Variants in LRP12 observed in about 807,000 individuals in gnomAD.
LRP12 encodes the protein LDL receptor related protein 12, also known as low-density lipoprotein receptor-related protein 12.
In LRP12, 14 loss-of-function variants were observed where a neutral mutation model predicts 66.0. The ratio of observed to expected loss-of-function variants is 0.21; its 90% CI spans 0.14 to 0.33. The LOEUF is 0.33. Ranked by LOEUF, LRP12 falls within the 10% of genes least tolerant of loss-of-function variation. The pLI is 1.00. For missense variants in LRP12, 889 were observed against 1,053.4 expected (o/e 0.84, Z 2.16); for synonymous variants, 357 against 359.1 (o/e 0.99, Z 0.07).
chr8:104,546,391 C>T (rs1312549584), intron 1 of LRP12, among the ~76,000 whole-genome samples: 1 of 152,170 alleles, frequency 6.6e-6, no homozygotes, highest in African/African-American at 2.4e-5. Context: ...CTGATGTTCC[C>T]TTGTAATCAA....
intron 1 of LRP12, among the ~76,000 whole-genome samples, chr8:104,568,897 A>G (rs1042227422): frequency 2.6e-5 from 4 of 152,196 alleles, no homozygotes; most frequent in Non-Finnish European, 5.9e-5. Context: ...CAGAATTACT[A>G]TATGAGTCAG....
At position 104,588,978 on chromosome 8, in the gene LRP12, G is replaced by A; in HGVS notation, c.-81C>T. 8.3e-6 allele frequency: 6 copies of A among 719,778 alleles called. No homozygotes were observed. The highest frequency in any genetic ancestry group is 3.3e-5 in the Admixed American group (1 of 30,468). The allele number at this position is 719,778 out of a possible 1,614,324, so 44.6% of individuals were successfully genotyped here. On this transcript the variant is annotated 5_prime_UTR_variant, in exon 1 of 7. Transcript: ENST00000276654. ...GGAGGTAGACGACGCCGACGCCGCC[G>A]CCGCCGCCGCCGCCGCCGCCGAGCC...
intron 4 of LRP12, 118 bp downstream of exon 4, chr8:104,499,199 G>T: frequency 2.8e-6 from 2 of 721,208 alleles, no homozygotes; most frequent in Non-Finnish European, 4.4e-6. Flanking sequence ...CTCAATCTCA[G>T]CTGCCTCAAG....
At chr8:104,562,784 T>C (rs1310874781) in intron 1 of LRP12, among the ~76,000 whole-genome samples, 3 of 152,284 alleles carry the variant, frequency 2.0e-5, no homozygotes, top group African/African-American at 7.2e-5. Flanking sequence ...GCATAAGTTA[T>C]TTAATAACCT....
chr8:104,548,158 AATT>A (rs1211438109), intron 1 of LRP12, among the ~76,000 whole-genome samples: 6 of 68,800 alleles, frequency 8.7e-5, no homozygotes, highest in African/African-American at 4.3e-4. Flanking sequence ...ATATATTAAT[AATT>A]ATTATATATA....
At chr8:104,548,295 T>TTATATAA (rs1259200133) in intron 1 of LRP12, among the ~76,000 whole-genome samples, 1 of 60,908 alleles carries the variant, frequency 1.6e-5, no homozygotes, top group Non-Finnish European at 2.5e-5. Context: ...TATCATATAT[T>TTATATAA]TATATAATAT....
At chr8:104,523,596 T>G (rs1210824815) in intron 2 of LRP12, among the ~76,000 whole-genome samples, 1 of 152,242 alleles carries the variant, frequency 6.6e-6, no homozygotes, top group Non-Finnish European at 1.5e-5. Flanking sequence ...CAGTAAATTG[T>G]GTGTCACAGT....
At chr8:104,576,102 T>C (rs1812160717) in intron 1 of LRP12, among the ~76,000 whole-genome samples, 1 of 152,026 alleles carries the variant, frequency 6.6e-6, no homozygotes, top group Non-Finnish European at 1.5e-5. Context: ...ACAAAACCTC[T>C]GAGAAATAAG....
Position 104,490,572 on chromosome 8 carries a change from A to ATTTTT in LRP12, c.*96_*100dup. The ATTTTT allele has an allele frequency of 7.4e-7, 1 of 1,354,464 alleles. No individual in the cohort carries two copies. Among genetic ancestry groups the ATTTTT allele is most frequent in the African/African-American group, 1.5e-5 (1 of 68,386 alleles). The allele number at this position is 1,354,464 out of a possible 1,614,324, so 83.9% of individuals were successfully genotyped here. A position where few individuals can be genotyped will look rare whatever the true frequency, so the allele number is the denominator to read the frequency against. The stretch of plus-strand genomic sequence containing the variant: ...ATATAATAATAAGAAATCACCCTGC[A>ATTTTT]TTTTTTCTTTTTAAACTAAAACTAG... On this transcript the variant is annotated 3_prime_UTR_variant, in exon 7 of 7. Coordinates refer to ENST00000276654, the MANE Select transcript of LRP12 (RefSeq NM_013437.5).
chr8:104,529,541 T>C (rs1204595462), intron 2 of LRP12, among the ~76,000 whole-genome samples: 1 of 152,200 alleles, frequency 6.6e-6, no homozygotes, highest in Non-Finnish European at 1.5e-5. Context: ...AGCCTAGTGG[T>C]CTAATCACAA....
intron 2 of LRP12, among the ~76,000 whole-genome samples, chr8:104,510,817 AAAGGT>A (rs1259516655): frequency 1.3e-5 from 2 of 152,084 alleles, no homozygotes; most frequent in African/African-American, 4.8e-5. Flanking sequence ...CTGTCTCTCA[AAAGGT>A]AAGACTGTTG....
chr8:104,498,803 C>G (rs1430728257), intron 4 of LRP12, among the ~76,000 whole-genome samples: 4 of 152,112 alleles, frequency 2.6e-5, no homozygotes, highest in Non-Finnish European at 5.9e-5. Context: ...TATTATTATT[C>G]CATGAAGATC....
At chr8:104,546,295 T>A (rs1474663425) in intron 1 of LRP12, among the ~76,000 whole-genome samples, 1 of 152,122 alleles carries the variant, frequency 6.6e-6, no homozygotes, top group Non-Finnish European at 1.5e-5. Context: ...ACTTCAAGGG[T>A]TTGATAAGTG....
intron 2 of LRP12, among the ~76,000 whole-genome samples, chr8:104,521,663 TC>T (rs1436321394): frequency 6.6e-6 from 1 of 151,660 alleles, no homozygotes; most frequent in Admixed American, 6.6e-5. Flanking sequence ...CTACTCATTT[TC>T]TTTATATAAA....
intron 1 of LRP12, 104 bp downstream of exon 1, chr8:104,588,715 G>A (rs1812376856): frequency 1.1e-6 from 1 of 888,700 alleles, no homozygotes; most frequent in South Asian, 1.7e-5. Context: ...CGGTAGCCAG[G>A]GTCTCCGCGG....
intron 2 of LRP12, among the ~76,000 whole-genome samples, chr8:104,526,864 G>A (rs1468440427): frequency 2.1e-5 from 3 of 142,800 alleles, no homozygotes; most frequent in East Asian, 4.0e-4. Flanking sequence ...CTTCTGCACA[G>A]CAAAAGAAAC....
chr8:104,528,306 T>C (rs941250623), intron 2 of LRP12, among the ~76,000 whole-genome samples: 2 of 152,192 alleles, frequency 1.3e-5, no homozygotes, highest in African/African-American at 4.8e-5. Flanking sequence ...TCACCATTTC[T>C]GTGGCTTGCT....
At chr8:104,580,608 C>T (rs1812235936) in intron 1 of LRP12, among the ~76,000 whole-genome samples, 1 of 151,634 alleles carries the variant, frequency 6.6e-6, no homozygotes, top group African/African-American at 2.4e-5. Context: ...AGAAAAAAAC[C>T]CATTGAAAAC....
chr8:104,548,009 A>G (rs1811626542), intron 1 of LRP12, among the ~76,000 whole-genome samples: 1 of 114,122 alleles, frequency 8.8e-6, no homozygotes, highest in Non-Finnish European at 1.7e-5. Context: ...TATATAATAT[A>G]TAATTGTTAT....
Sources: gnomAD v4.1 joint callset for allele counts (sites outside exome capture counted in the v4.1 genomes callset) on GRCh38, gnomAD v4.1.1 for gene constraint, MANE v1.5 for transcripts, NCBI Gene and HGNC (gene_info 2026-07-23, HGNC 2026-07-21) for gene names.